PPM1E: variants seen among roughly 807,000 people sequenced by gnomAD.
PPM1E encodes the protein protein phosphatase 1E.
PPM1E carries 20 observed loss-of-function variants against 65.9 expected under a neutral mutation model. The observed-to-expected ratio is 0.30, with a 90% CI of 0.21 to 0.44. The LOEUF is 0.44. Ranked by LOEUF, PPM1E falls within the 20% of genes least tolerant of loss-of-function variation. The probability of loss-of-function intolerance (pLI) is 1.00; values close to 1 mark genes in which losing one functional copy is unlikely to be tolerated. For synonymous variants in PPM1E, 352 were observed against 374.9 expected (o/e 0.94, Z 0.70); for missense variants, 713 against 953.1 (o/e 0.75, Z 3.32).
intron 1 of PPM1E, among the ~76,000 whole-genome samples, chr17:58,759,563 C>CT (rs2049803054): frequency 6.6e-6 from 1 of 152,142 alleles, no homozygotes; most frequent in South Asian, 2.1e-4. Flanking sequence ...ATTCTGAAGT[C>CT]TTTTTTCTTT....
intron 1 of PPM1E, among the ~76,000 whole-genome samples, chr17:58,897,420 A>T (rs572465884): frequency 6.6e-6 from 1 of 151,838 alleles, no homozygotes; most frequent in African/African-American, 2.4e-5. Context: ...TCTAAAAAAA[A>T]AAAAAGAAAA....
At chr17:58,823,887 C>T (rs1295633248) in intron 1 of PPM1E, among the ~76,000 whole-genome samples, 2 of 152,010 alleles carry the variant, frequency 1.3e-5, no homozygotes, top group African/African-American at 4.8e-5. Flanking sequence ...CCCGCCACCA[C>T]ACCCGGCTAA....
At chr17:58,879,831 G>A (rs1161612317) in intron 1 of PPM1E, among the ~76,000 whole-genome samples, 2 of 151,960 alleles carry the variant, frequency 1.3e-5, no homozygotes, top group African/African-American at 4.8e-5. Context: ...AAAATATTTG[G>A]GCTTCAACTT....
At chr17:58,874,816 G>C (rs1257395917) in intron 1 of PPM1E, among the ~76,000 whole-genome samples, 1 of 152,122 alleles carries the variant, frequency 6.6e-6, no homozygotes, top group African/African-American at 2.4e-5. Flanking sequence ...TTTGTTGGCT[G>C]TGATGAATAT....
At chr17:58,779,827 CTT>C (rs1598565900) in intron 1 of PPM1E, among the ~76,000 whole-genome samples, 1 of 151,970 alleles carries the variant, frequency 6.6e-6, no homozygotes, top group South Asian at 2.1e-4. Flanking sequence ...TCTTTACACA[CTT>C]TTTTTTCCTA....
At chr17:58,879,035 A>G (rs976736011) in intron 1 of PPM1E, among the ~76,000 whole-genome samples, 1 of 152,066 alleles carries the variant, frequency 6.6e-6, no homozygotes, top group African/African-American at 2.4e-5. Flanking sequence ...TTTGCTAGAG[A>G]TGACAGTAGG....
intron 1 of PPM1E, among the ~76,000 whole-genome samples, chr17:58,931,066 TAAAAAAAAAA>T (rs774968022): frequency 2.4e-5 from 2 of 83,148 alleles, no homozygotes; most frequent in African/African-American, 4.6e-5. Flanking sequence ...ATACAAAAAT[TAAAAAAAAAA>T]AAAAAAAAAA....
chr17:58,900,375 G>C (rs1567869112), intron 1 of PPM1E, among the ~76,000 whole-genome samples: 1 of 152,184 alleles, frequency 6.6e-6, no homozygotes, highest in Non-Finnish European at 1.5e-5. Context: ...CCACCACCTT[G>C]ATCAGTCAGC....
intron 1 of PPM1E, among the ~76,000 whole-genome samples, chr17:58,891,836 T>TC (rs1288287272): frequency 1.9e-4 from 25 of 134,636 alleles, no homozygotes; most frequent in African/African-American, 4.7e-4. Context: ...CTTTTTCTTT[T>TC]TTTTTTTTTT....
intron 1 of PPM1E, among the ~76,000 whole-genome samples, chr17:58,834,883 A>T (rs182193783): frequency 1.3e-5 from 2 of 152,140 alleles, no homozygotes; most frequent in African/African-American, 4.8e-5. Flanking sequence ...GCCTTTCCAT[A>T]TAAATTTTAG....
chr17:58,897,270 C>T (rs547391966), intron 1 of PPM1E, among the ~76,000 whole-genome samples: 86 of 151,942 alleles, frequency 5.7e-4, no homozygotes, highest in African/African-American at 1.6e-3. Flanking sequence ...AAAAATTAGC[C>T]GGGCATGGTG....
chr17:58,968,295 C>G (rs2030385062), intron 3 of PPM1E, among the ~76,000 whole-genome samples: 1 of 152,108 alleles, frequency 6.6e-6, no homozygotes, highest in South Asian at 2.1e-4. Flanking sequence ...TGCAGTGGCT[C>G]TTGCCTGTAA....
At chr17:58,943,478 C>T (rs1421382340) in intron 1 of PPM1E, among the ~76,000 whole-genome samples, 1 of 152,146 alleles carries the variant, frequency 6.6e-6, no homozygotes, top group African/African-American at 2.4e-5. Context: ...AAAATTATCT[C>T]AAACTTCCCA....
At chr17:58,796,550 G>T (rs1446388485) in intron 1 of PPM1E, among the ~76,000 whole-genome samples, 1 of 152,154 alleles carries the variant, frequency 6.6e-6, no homozygotes, top group Non-Finnish European at 1.5e-5. Flanking sequence ...GATTACAGGC[G>T]TGAGCCACTG....
Position 58,965,859 on chromosome 17 carries a change from G to T in PPM1E, c.749G>T (p.Cys250Phe), listed in dbSNP as rs1159452266. The change falls in exon 3 of 7, where the codon TGC becomes TTC. Residue 250 changes from cysteine to phenylalanine, a missense_variant. Coordinates refer to ENST00000308249, the MANE Select transcript of PPM1E (RefSeq NM_014906.5). ...MRRKMEDKHV[C>F]IPDFNMLFNL... ...AGGAAAATGGAGGACAAACATGTCT[G>T]CATTCCTGACTTTAATATGCTCTTC... is the stretch of plus-strand genomic sequence containing the variant. The T allele has an allele frequency of 6.2e-7, 1 of 1,614,150 alleles. No homozygotes were observed.
At chr17:58,894,124 T>C (rs1035145673) in intron 1 of PPM1E, among the ~76,000 whole-genome samples, 3 of 151,738 alleles carry the variant, frequency 2.0e-5, no homozygotes, top group Non-Finnish European at 4.4e-5. Flanking sequence ...AGTCTATGTA[T>C]TTATTTATTT....
intron 1 of PPM1E, among the ~76,000 whole-genome samples, chr17:58,930,337 G>A (rs925815909): frequency 5.3e-5 from 8 of 151,292 alleles, no homozygotes; most frequent in East Asian, 3.9e-4. Flanking sequence ...GGTTGCACAC[G>A]CCTGTAGTCC....
chr17:58,781,203 C>T (rs910476399), intron 1 of PPM1E, among the ~76,000 whole-genome samples: 4 of 148,110 alleles, frequency 2.7e-5, no homozygotes, highest in Admixed American at 6.8e-5. Context: ...TGCAGTGTCA[C>T]GATCTCAGCT....
chr17:58,912,780 C>T (rs1261774389), intron 1 of PPM1E, among the ~76,000 whole-genome samples: 1 of 152,142 alleles, frequency 6.6e-6, no homozygotes, highest in Non-Finnish European at 1.5e-5. Context: ...GTCATACTTC[C>T]TTCAACCCCT....
Sources: allele counts gnomAD v4.1 joint callset (sites outside exome capture counted in the v4.1 genomes callset), GRCh38; gene constraint gnomAD v4.1.1; transcripts MANE v1.5; gene names NCBI Gene and HGNC (gene_info 2026-07-23, HGNC 2026-07-21).